The following MPHOSPH6 variants were observed in gnomAD, a reference collection of about 807,000 sequenced individuals.
MPHOSPH6 encodes M-phase phosphoprotein 6.
In MPHOSPH6, 25 loss-of-function variants were observed where a neutral mutation model predicts 21.8. The observed-to-expected ratio is 1.15, with a 90% CI of 0.83 to 1.60. The LOEUF is 1.60. Among genes scored for constraint, MPHOSPH6 ranks in the 40% most tolerant of loss-of-function variants. MPHOSPH6 has a pLI of 0.00. For synonymous variants in MPHOSPH6, 84 were observed against 56.5 expected (o/e 1.49, Z -2.18); for missense variants, 269 against 181.8 (o/e 1.48, Z -2.76).
chr16:82,160,397 A>T lies in MPHOSPH6; in HGVS notation c.164+3685T>A, dbSNP rs537894003. The stretch of plus-strand genomic sequence containing the variant: ...CAAATACCATGGCAAAACTCCAGTT[A>T]GAAAACCCTTCTCAGTGGGTCTCAC... On this transcript the variant is annotated intron_variant, in intron 2 of 4. Coordinates refer to ENST00000258169, the MANE Select transcript of MPHOSPH6 (RefSeq NM_005792.2). Among the ~76,000 whole-genome samples the T allele has an allele frequency of 1.8e-4, 27 of 152,340 alleles. 1 individual carries two copies. The Middle Eastern group carries it at 0.01, about 58-fold the overall frequency.
At chr16:82,159,508 G>A (rs533281204) in intron 2 of MPHOSPH6, among the ~76,000 whole-genome samples, 1 of 152,056 alleles carries the variant, frequency 6.6e-6, no homozygotes, top group South Asian at 2.1e-4. Context: ...GGATTCCAGT[G>A]ATTCTCCTGC....
At chr16:82,167,257 C>A (rs779499796) in intron 1 of MPHOSPH6, among the ~76,000 whole-genome samples, 1 of 152,198 alleles carries the variant, frequency 6.6e-6, no homozygotes, top group Non-Finnish European at 1.5e-5. Flanking sequence ...CCATCCACAT[C>A]CTTCTTTTTC....
At chr16:82,162,679 G>A (rs1906644434) in intron 2 of MPHOSPH6, among the ~76,000 whole-genome samples, 1 of 152,132 alleles carries the variant, frequency 6.6e-6, no homozygotes, top group East Asian at 1.9e-4. Context: ...GCCCCCCTAT[G>A]CCCCACCCAC....
intron 1 of MPHOSPH6, among the ~76,000 whole-genome samples, chr16:82,166,809 ATT>A (rs1906796512): frequency 6.6e-6 from 1 of 152,000 alleles, no homozygotes; most frequent in African/African-American, 2.4e-5. Context: ...TTTTTCTCCC[ATT>A]TAGTCATGTA....
intron 2 of MPHOSPH6, among the ~76,000 whole-genome samples, chr16:82,158,034 T>TGGTAGTTACATTCTTCACTGCCA (rs1906484923): frequency 6.6e-6 from 1 of 152,180 alleles, no homozygotes; most frequent in African/African-American, 2.4e-5. Flanking sequence ...CAGACTACCC[T>TGGTAGTTACATTCTTCACTGCCA]GGTAGTTACA....
At chr16:82,160,965 T>C (rs1014043495) in intron 2 of MPHOSPH6, among the ~76,000 whole-genome samples, 1 of 45,570 alleles carries the variant, frequency 2.2e-5, no homozygotes, top group Non-Finnish European at 3.6e-5. Flanking sequence ...GCAACATCCT[T>C]ATCTCAGAAG....
chr16:82,156,970 T>C (rs1039354232), intron 2 of MPHOSPH6, among the ~76,000 whole-genome samples: 1 of 152,084 alleles, frequency 6.6e-6, no homozygotes, highest in Admixed American at 6.5e-5. Flanking sequence ...GGAGAACCGC[T>C]TGAACCTGGG....
intron 2 of MPHOSPH6, among the ~76,000 whole-genome samples, chr16:82,156,573 G>C (rs1222433803): frequency 1.3e-5 from 2 of 152,130 alleles, no homozygotes; most frequent in East Asian, 1.9e-4. Context: ...ACCATAATAA[G>C]ATGCCACTAA....
chr16:82,168,950 T>C (rs1369297764), intron 1 of MPHOSPH6, among the ~76,000 whole-genome samples: 1 of 152,220 alleles, frequency 6.6e-6, no homozygotes, highest in African/African-American at 2.4e-5. Context: ...TCCCGTCCTG[T>C]CTACACTACT....
intron 2 of MPHOSPH6, among the ~76,000 whole-genome samples, chr16:82,156,832 C>T (rs890659344): frequency 1.3e-5 from 2 of 152,034 alleles, no homozygotes; most frequent in African/African-American, 2.4e-5. Flanking sequence ...TTTGGGTATC[C>T]GAGGCCAGCG....
intron 1 of MPHOSPH6, among the ~76,000 whole-genome samples, chr16:82,168,541 G>C (rs1333048096): frequency 6.7e-6 from 1 of 148,772 alleles, no homozygotes; most frequent in African/African-American, 2.5e-5. Context: ...CGCCATCTCA[G>C]CTCACTGCAG....
chr16:82,154,638 T>C (rs888651268), intron 2 of MPHOSPH6, among the ~76,000 whole-genome samples: 9 of 151,814 alleles, frequency 5.9e-5, no homozygotes, highest in Admixed American at 3.3e-4. Context: ...CAATAGAACT[T>C]ATATAATTAA....
chr16:82,153,128 C>CA (rs1051370961), intron 2 of MPHOSPH6, among the ~76,000 whole-genome samples: 187 of 149,082 alleles, frequency 1.3e-3, no homozygotes, highest in East Asian at 4.1e-3. Context: ...CACTCACCTC[C>CA]AAAAAAAAAG....
At chr16:82,158,880 G>T (rs2142411795) in intron 2 of MPHOSPH6, among the ~76,000 whole-genome samples, 1 of 152,260 alleles carries the variant, frequency 6.6e-6, no homozygotes, top group East Asian at 1.9e-4. Context: ...AGTTAACACT[G>T]GGAAAATCTA....
intron 2 of MPHOSPH6, 30 bp downstream of exon 2, chr16:82,164,050 AGC>A: frequency 7.0e-7 from 1 of 1,427,618 alleles, no homozygotes; most frequent in African/African-American, 1.4e-5. Context: ...GAATGCCACA[AGC>A]ATCATCAGTA....
intron 2 of MPHOSPH6, among the ~76,000 whole-genome samples, chr16:82,158,446 C>T (rs112999533): frequency 7.9e-4 from 103 of 131,150 alleles, no homozygotes; most frequent in African/African-American, 2.7e-3. Context: ...TTGCAGTGAG[C>T]GGAGATCTCG....
At chr16:82,161,815 G>A (rs1339459209) in intron 2 of MPHOSPH6, among the ~76,000 whole-genome samples, 2 of 152,136 alleles carry the variant, frequency 1.3e-5, no homozygotes, top group African/African-American at 2.4e-5. Context: ...CCCCTACATG[G>A]TCTAGCCACT....
intron 2 of MPHOSPH6, among the ~76,000 whole-genome samples, chr16:82,153,280 T>C (rs1906325311): frequency 6.6e-6 from 1 of 152,196 alleles, no homozygotes; most frequent in Admixed American, 6.5e-5. Flanking sequence ...GGGGAGTAAT[T>C]GGTATGGAAC....
At chr16:82,160,702 T>C (rs114988198) in intron 2 of MPHOSPH6, among the ~76,000 whole-genome samples, 1,909 of 152,230 alleles carry the variant, frequency 0.013, 36 homozygotes, top group African/African-American at 0.043. Context: ...CTTCACGCCA[T>C]CCCTCATAGG....
Sources: gnomAD v4.1 joint callset for allele counts (sites outside exome capture counted in the v4.1 genomes callset) on GRCh38, gnomAD v4.1.1 for gene constraint, MANE v1.5 for transcripts, NCBI Gene and HGNC (gene_info 2026-07-23, HGNC 2026-07-21) for gene names.